The following NRXN3 variants were observed in gnomAD, a reference collection of about 807,000 sequenced individuals.
NRXN3 encodes neurexin 3.
In NRXN3, 32 loss-of-function variants were observed where a neutral mutation model predicts 137.6. The ratio of observed to expected loss-of-function variants is 0.23; its 90% CI spans 0.18 to 0.31. The LOEUF is 0.31. Among genes scored for constraint, NRXN3 ranks in the 10% least tolerant of loss-of-function variants. NRXN3 has a pLI of 1.00. For missense variants in NRXN3, 1,574 were observed against 2,062.5 expected (o/e 0.76, Z 4.59); for synonymous variants, 798 against 784.5 (o/e 1.02, Z -0.29).
intron 15 of NRXN3, chr14:79,279,409 G>A: frequency 4.1e-6 from 4 of 986,088 alleles, no homozygotes; most frequent in Non-Finnish European, 4.8e-6. Context: ...TCCCTGGTCC[G>A]CGCACTTCGC....
chr14:78,794,715 AT>A (rs930707389), intron 8 of NRXN3, among the ~76,000 whole-genome samples: 5 of 151,634 alleles, frequency 3.3e-5, no homozygotes, highest in African/African-American at 1.2e-4. Context: ...GAAAAGCTTA[AT>A]TTTTTTCTTT....
intron 1 of NRXN3, among the ~76,000 whole-genome samples, chr14:78,207,847 C>T (rs2062362028): frequency 6.6e-6 from 1 of 152,224 alleles, no homozygotes; most frequent in Admixed American, 6.5e-5. Context: ...TCCTACCACC[C>T]ATTCTTTTTT....
chr14:79,434,502 A>G (rs916860613), intron 15 of NRXN3, among the ~76,000 whole-genome samples: 6 of 152,370 alleles, frequency 3.9e-5, no homozygotes, highest in Admixed American at 1.3e-4. Flanking sequence ...ATGGCCGGAA[A>G]TGCTATTAGG....
At chr14:78,575,903 A>G (rs539444241) in intron 4 of NRXN3, among the ~76,000 whole-genome samples, 2 of 152,332 alleles carry the variant, frequency 1.3e-5, no homozygotes, top group South Asian at 4.1e-4. Flanking sequence ...TTTGTACCCC[A>G]ATTAACAGTG....
At chr14:79,261,154 G>A (rs1381073846) in intron 15 of NRXN3, among the ~76,000 whole-genome samples, 1 of 152,164 alleles carries the variant, frequency 6.6e-6, no homozygotes, top group Non-Finnish European at 1.5e-5. Flanking sequence ...GGCATAATGG[G>A]AGCAGTGGGA....
At chr14:79,469,939 A>AC (rs2096478653) in intron 16 of NRXN3, among the ~76,000 whole-genome samples, 1 of 152,210 alleles carries the variant, frequency 6.6e-6, no homozygotes, top group Non-Finnish European at 1.5e-5. Context: ...TAATTATGAA[A>AC]CCAGCTTTTT....
At chr14:79,593,212 A>AGAAGACACT (rs1426688365) in intron 16 of NRXN3, among the ~76,000 whole-genome samples, 1 of 152,190 alleles carries the variant, frequency 6.6e-6, no homozygotes, top group Non-Finnish European at 1.5e-5. Context: ...TCAGTATATG[A>AGAAGACACT]GAAGACACTA....
At chr14:78,252,486 G>A (rs1156578126) in intron 2 of NRXN3, among the ~76,000 whole-genome samples, 2 of 152,176 alleles carry the variant, frequency 1.3e-5, no homozygotes, top group African/African-American at 4.8e-5. Flanking sequence ...CGGTGTCTTT[G>A]TAGCTAAGAA....
At chr14:78,522,776 C>T (rs987452212) in intron 4 of NRXN3, among the ~76,000 whole-genome samples, 1 of 152,166 alleles carries the variant, frequency 6.6e-6, no homozygotes, top group Admixed American at 6.5e-5. Flanking sequence ...AGGGAAGATA[C>T]TCTCTTTCCA....
At chr14:79,748,910 A>G (rs187264781) in intron 19 of NRXN3, among the ~76,000 whole-genome samples, 147 of 152,126 alleles carry the variant, frequency 9.7e-4, no homozygotes, top group African/African-American at 3.3e-3. Flanking sequence ...GGCAGATTAA[A>G]AAAAAAAAGT....
At position 78,243,505 on chromosome 14, in the gene NRXN3, C is replaced by T. The variant is rs770919968; in HGVS notation, c.412C>T (p.Arg138Trp). The change falls in exon 2 of 21, where the codon CGG becomes TGG. Residue 138 changes from arginine (R) to tryptophan (W), a missense_variant. By Grantham distance (101) the Arg-to-Trp change is moderately radical (BLOSUM62 -3). Coordinates refer to ENST00000335750, the MANE Select transcript of NRXN3 (RefSeq NM_001330195.2). The surrounding 1 kb of genome is among the most constrained non-coding windows in gnomAD (Gnocchi z 4.2). ...EGQSGELQPQ[R>W]PYMDVVSDLF... ...CCAGTCTGGGGAGCTGCAGCCCCAGCGGCCCTACATGGATGTGGTCAGTGA... is the reference window on the plus strand; with the variant it reads ...CCAGTCTGGGGAGCTGCAGCCCCAGTGGCCCTACATGGATGTGGTCAGTGA... The T allele has an allele frequency of 1.3e-5, 20 of 1,593,318 alleles. No individual in the cohort carries two copies. The highest frequency in any genetic ancestry group is 7.8e-5 in the South Asian group (7 of 90,148).
chr14:78,694,735 A>G (rs1248487520), intron 6 of NRXN3, among the ~76,000 whole-genome samples: 1 of 151,896 alleles, frequency 6.6e-6, no homozygotes. Context: ...CTAGGAGTGG[A>G]TTACTAGTAT....
At chr14:79,836,808 A>C (rs548272248) in intron 20 of NRXN3, among the ~76,000 whole-genome samples, 17 of 152,232 alleles carry the variant, frequency 1.1e-4, no homozygotes, top group African/African-American at 1.7e-4. Context: ...TAGCACCCAC[A>C]CACACACAAA....
In NRXN3 at chr14:79,236,898, G is replaced by A. The variant is rs144017901; in HGVS notation, c.3263-230323G>A. Among the ~76,000 whole-genome samples, 19 of 152,132 alleles carry A rather than the reference G, an allele frequency of 1.2e-4. No homozygotes were observed. The East Asian group carries it at 3.5e-3, about 28-fold the overall frequency. ...AGTGCACTTTAGCCTGGGTGATAGA[G>A]TAAGACCCTCTCTAAAAATATATAT... is the stretch of plus-strand genomic sequence containing the variant. On this transcript the variant is annotated intron_variant, in intron 15 of 20. Coordinates refer to ENST00000335750, the MANE Select transcript of NRXN3 (RefSeq NM_001330195.2).
chr14:78,408,322 C>A (rs1484899763), intron 4 of NRXN3, among the ~76,000 whole-genome samples: 4 of 152,122 alleles, frequency 2.6e-5, no homozygotes, highest in Non-Finnish European at 2.9e-5. Flanking sequence ...GGAGGAGAGG[C>A]AATTTATTTG....
intron 4 of NRXN3, among the ~76,000 whole-genome samples, chr14:78,455,596 G>C (rs2094677293): frequency 6.6e-6 from 1 of 152,184 alleles, no homozygotes; most frequent in South Asian, 2.1e-4. Flanking sequence ...TGTGATGTTA[G>C]TATTGCCATT....
intron 4 of NRXN3, among the ~76,000 whole-genome samples, chr14:78,303,316 A>T (rs541170384): frequency 6.6e-6 from 1 of 152,230 alleles, no homozygotes; most frequent in African/African-American, 2.4e-5. Flanking sequence ...AACAATTTAT[A>T]TGGAAGTTAA....
rs191786424 is a variant in NRXN3 at position 79,538,726 on chromosome 14, G to A, written c.3444+71324G>A. Among the ~76,000 whole-genome samples, 7 of 152,158 alleles carry A rather than the reference G, an allele frequency of 4.6e-5. No homozygotes were observed. The South Asian group carries it at 8.3e-4, about 18-fold the overall frequency. On this transcript the variant is annotated intron_variant, in intron 16 of 20. Transcript: ENST00000335750. ...GTGATGATAGTTTAGTTTGCCAATC[G>A]CAGCCACTTTTAACACTGTTACTCT... is the stretch of plus-strand genomic sequence containing the variant.
In NRXN3 at chr14:78,651,226, T is replaced by C. The variant is rs779092712; in HGVS notation, c.1121T>C (p.Met374Thr). 2 of 1,614,052 alleles carry C rather than the reference T, an allele frequency of 1.2e-6. No homozygotes were observed. Among genetic ancestry groups the C allele is most frequent in the Non-Finnish European group, 1.7e-6 (2 of 1,179,954 alleles). The change falls in exon 6 of 21, where the codon ATG becomes ACG. Residue 374 changes from methionine to threonine, a missense_variant. Transcript: ENST00000335750. ...GGCTACACTCAAGAGGACTATACCA[T>C]GCTGGGCTCGGACGACTTCTTCTAT... Reference protein sequence around the residue: ...TTGYTQEDYTMLGSDDFFYVG... With the variant: ...TTGYTQEDYTTLGSDDFFYVG...
Sources: allele counts gnomAD v4.1 joint callset (sites outside exome capture counted in the v4.1 genomes callset), GRCh38; gene constraint gnomAD v4.1.1; non-coding constraint Gnocchi (gnomAD v3.1); transcripts MANE v1.5; gene names NCBI Gene and HGNC (gene_info 2026-07-23, HGNC 2026-07-21).